The following CENPF variants were observed in gnomAD, a reference collection of about 807,000 sequenced individuals.
The protein encoded by CENPF is centromere protein F.
A neutral mutation model predicts 307.3 loss-of-function variants in CENPF; 214 were observed. That is an observed-to-expected ratio of 0.70 (90% confidence interval 0.62 to 0.78). The LOEUF (loss-of-function observed/expected upper bound fraction) is 0.78. CENPF is among the 30% of genes least tolerant of loss of function. CENPF has a pLI of 0.00. For missense variants in CENPF, 3,401 were observed against 3,483.9 expected, an observed-to-expected ratio of 0.98 and a Z score of 0.60; for synonymous variants, 1,259 against 1,270.6, an observed-to-expected ratio of 0.99 and a Z score of 0.19.
chr1:214,612,642 T>C (rs904763131), intron 1 of CENPF, among the ~76,000 whole-genome samples: 1 of 152,226 alleles, frequency 6.6e-6, no homozygotes, highest in African/African-American at 2.4e-5. Flanking sequence ...CTTTTCACAG[T>C]TGAGTTAGAT....
intron 13 of CENPF, 72 bp from the exon 14 acceptor site, chr1:214,648,603 T>C: frequency 6.6e-7 from 1 of 1,512,438 alleles, no homozygotes; most frequent in Non-Finnish European, 9.1e-7. Flanking sequence ...CATGAATATG[T>C]TGTATCAGAG....
chr1:214,632,863 A>G (rs1452175231), intron 10 of CENPF, among the ~76,000 whole-genome samples: 1 of 152,206 alleles, frequency 6.6e-6, no homozygotes, highest in Non-Finnish European at 1.5e-5. Flanking sequence ...TGTGTCTACA[A>G]CATGACTTGT....
At chr1:214,619,824 A>G (rs1396810375) in intron 5 of CENPF, among the ~76,000 whole-genome samples, 2 of 152,098 alleles carry the variant, frequency 1.3e-5, no homozygotes, top group Non-Finnish European at 2.9e-5. Flanking sequence ...CATGACTTTA[A>G]CCCTCATTTT....
At chr1:214,653,113 G>C in intron 16 of CENPF, 124 bp downstream of exon 16, 1 of 884,302 alleles carries the variant, frequency 1.1e-6, no homozygotes, top group Non-Finnish European at 1.9e-6. Context: ...CAAAAATGAT[G>C]TCATTCATCA....
rs370367881 is a variant in CENPF at position 214,657,026 on chromosome 1, A to G, written c.8579A>G (p.Tyr2860Cys). Residue 2860 changes from tyrosine (Y) to cysteine (C), a missense_variant, in exon 18 of 20, where the codon TAC becomes TGC. Physicochemically the swap from Tyr to Cys is radical, Grantham distance 194. Coordinates refer to ENST00000366955, the MANE Select transcript of CENPF (RefSeq NM_016343.4). ...LEEKTKEADE[Y>C]LDKYCSLLIS... The stretch of plus-strand genomic sequence containing the variant: ...GAAAAAACCAAGGAGGCAGATGAAT[A>G]CTTGGATAAGTACTGTTCCTTGCTT... 1.2e-6 allele frequency: 2 copies of G among 1,614,038 alleles called. No homozygotes were observed.
In CENPF at chr1:214,640,037, C is replaced by G. The variant is rs767542466; in HGVS notation, c.1699C>G (p.Arg567Gly). The G allele has an allele frequency of 6.2e-7, 1 of 1,602,058 alleles. No individual in the cohort carries two copies. Among genetic ancestry groups the G allele is most frequent in the African/African-American group, 1.4e-5 (1 of 73,922 alleles). Residue 567 changes from arginine to glycine, a missense_variant, in exon 12 of 20, where the codon CGA (arginine) becomes GGA (glycine). Arg to Gly is a moderately radical substitution (Grantham distance 125). Transcript: ENST00000366955. The stretch of plus-strand genomic sequence containing the variant: ...TGCTGTGGCTGATCTGGAAAAGCAG[C>G]GAGATTGTTCTCAAGACCTTTTGAA... ...KLAVADLEKQ[R>G]DCSQDLLKKR...
chr1:214,603,918 C>T (rs1656955870), intron 1 of CENPF, among the ~76,000 whole-genome samples: 1 of 151,994 alleles, frequency 6.6e-6, no homozygotes, highest in Non-Finnish European at 1.5e-5. Context: ...CCGCCTTGGC[C>T]TCTGTAAGTG....
At chr1:214,636,003 A>C (rs1657957123) in intron 10 of CENPF, among the ~76,000 whole-genome samples, 1 of 151,984 alleles carries the variant, frequency 6.6e-6, no homozygotes, top group Non-Finnish European at 1.5e-5. Flanking sequence ...TTTTTTTTAG[A>C]GTAAGAAAAT....
intron 18 of CENPF, among the ~76,000 whole-genome samples, chr1:214,658,643 C>T (rs1215699584): frequency 6.6e-6 from 1 of 151,998 alleles, no homozygotes; most frequent in Non-Finnish European, 1.5e-5. Flanking sequence ...TTCTATGTTT[C>T]TAATAAGAGA....
At position 214,651,785 on chromosome 1, in the gene CENPF, GA is replaced by G; in HGVS notation, c.8063del (p.Lys2688ArgfsTer5). ...SLDCMHKDQV[E>X]KEGKVREEIA... is the part of the protein sequence containing the mutation. The stretch of plus-strand genomic sequence containing the variant: ...AGATTGCATGCACAAAGACCAGGTG[GA>G]AAAGGAAGGGAAAGTGAGAGAGGAA... On this transcript the variant is annotated frameshift_variant, in exon 15 of 20. Transcript: ENST00000366955. LOFTEE classifies it high-confidence loss of function. The G allele has an allele frequency of 6.2e-7, 1 of 1,613,620 alleles. No individual in the cohort carries two copies. Among genetic ancestry groups the G allele is most frequent in the Non-Finnish European group, 8.5e-7 (1 of 1,179,818 alleles).
rs140186184 is a variant in CENPF, at chr1:214,659,204, A to G, written c.9141+176A>G. On this transcript the variant is annotated intron_variant, in intron 19 of 19. Transcript: ENST00000366955. The surrounding 1 kb of genome is among the most constrained non-coding windows in gnomAD (Gnocchi z 4.4). ...GTGACCGGGTGAGCATTACAGTATC[A>G]GGGTACATGATCTCATCCTTCAGTC... Among the ~76,000 whole-genome samples, 79 of 152,272 alleles carry G rather than the reference A, an allele frequency of 5.2e-4. No homozygotes were observed. Among genetic ancestry groups the G allele is most frequent in the African/African-American group, 1.9e-3 (77 of 41,546 alleles).
intron 1 of CENPF, among the ~76,000 whole-genome samples, chr1:214,604,295 A>G (rs1172911202): frequency 2.0e-5 from 3 of 152,194 alleles, no homozygotes; most frequent in African/African-American, 7.2e-5. Context: ...GGAAAGGACA[A>G]TAGTCCTGCA....
rs1658150280 is a variant in CENPF at position 214,642,432 on chromosome 1, C to T, written c.4094C>T (p.Pro1365Leu). The change falls in exon 12 of 20, where the codon CCA becomes CTA. Residue 1365 changes from proline (P) to leucine (L), a missense_variant. Physicochemically the swap from Pro to Leu is moderately conservative, Grantham distance 98 (BLOSUM62 -3). Transcript: ENST00000366955. ...CATGGTGAGTTAGTGGAAGACATAC[C>T]AGGAGGTGAATTTGGTGAACAACCA... ...LLHGELVEDI[P>L]GGEFGEQPNE... The T allele has an allele frequency of 6.3e-7, 1 of 1,595,670 alleles. No homozygotes were observed. Among genetic ancestry groups the T allele is most frequent in the South Asian group, 1.1e-5 (1 of 87,520 alleles).
intron 3 of CENPF, among the ~76,000 whole-genome samples, chr1:214,617,904 A>G (rs1284237467): frequency 1.3e-5 from 2 of 152,258 alleles, no homozygotes; most frequent in Non-Finnish European, 2.9e-5. Flanking sequence ...TGCTGTCTGT[A>G]TTAGTCTGTT....
Position 214,634,553 on chromosome 1 carries a change from T to C in CENPF, c.1446+1951T>C, listed in dbSNP as rs550980199. Among the ~76,000 whole-genome samples, 6 of 152,340 alleles carry C rather than the reference T, an allele frequency of 3.9e-5. No homozygotes were observed. The South Asian group carries it at 1.2e-3, about 32-fold the overall frequency. On this transcript the variant is annotated intron_variant, in intron 10 of 19. Transcript: ENST00000366955. ...TCATTCTCCTGCCTTTTCAAGGCTGTATTCTTGGTTAAGTTAAATATTGTA... is the reference window on the plus strand; with the variant it reads ...TCATTCTCCTGCCTTTTCAAGGCTGCATTCTTGGTTAAGTTAAATATTGTA...
rs564687150 is a variant in CENPF, at chr1:214,652,990, G to T, written c.8322+1G>T. On this transcript the variant is annotated splice_donor_variant, in intron 16 of 19. Coordinates refer to ENST00000366955, the MANE Select transcript of CENPF (RefSeq NM_016343.4). LOFTEE classifies it high-confidence loss of function. ...TTTGGAAGAATTGAAGAAAACCAAG[G>T]TATGTTCACTTTAATTTGCTTCATG... 4.1e-5 allele frequency: 65 copies of T among 1,602,408 alleles called. No homozygotes were observed. Among genetic ancestry groups the T allele is most frequent in the Non-Finnish European group, 5.2e-5 (61 of 1,174,062 alleles).
In CENPF at chr1:214,641,917, G is replaced by A; in HGVS notation, c.3579G>A (p.Gln1193=). 2 of 1,591,772 alleles carry A rather than the reference G, an allele frequency of 1.3e-6. No homozygotes were observed. Among genetic ancestry groups the A allele is most frequent in the Non-Finnish European group, 1.7e-6 (2 of 1,173,106 alleles). The change falls in exon 12 of 20, where the codon CAG becomes CAA. Residue 1193 remains glutamine (Q), a synonymous_variant. Transcript: ENST00000366955. ...GAAATCAATGTAATTTTAAACCTCA[G>A]ATGGATCTTGAAGTTAAAGAAATTT... ...SERNQCNFKP[Q]MDLEVKEISL...
At position 214,645,095 on chromosome 1, in the gene CENPF, TAAGTGAAA is replaced by T. The variant is rs1368141770; in HGVS notation, c.5528_5535del (p.Ser1843IlefsTer7). 1 of 1,612,772 alleles carries T rather than the reference TAAGTGAAA, an allele frequency of 6.2e-7. No homozygotes were observed. Among genetic ancestry groups the T allele is most frequent in the East Asian group, 2.2e-5 (1 of 44,868 alleles). ...GAACTTAAGAAAGAAAACTCAGATT[TAAGTGAAA>T]AATTGGAATATTTTTCTTGTGATCA... On this transcript the variant is annotated frameshift_variant, in exon 13 of 20. Coordinates refer to ENST00000366955, the MANE Select transcript of CENPF (RefSeq NM_016343.4). LOFTEE classifies it high-confidence loss of function.
In CENPF at chr1:214,655,945, GA is replaced by G. The variant is rs1571728321; in HGVS notation, c.8485+548del. Among the ~76,000 whole-genome samples the G allele has an allele frequency of 2.0e-5, 3 of 152,214 alleles. No homozygotes were observed. The East Asian group carries it at 5.8e-4, about 29-fold the overall frequency. On this transcript the variant is annotated intron_variant, in intron 17 of 19. Coordinates refer to ENST00000366955, the MANE Select transcript of CENPF (RefSeq NM_016343.4). ...CGCATCTTCCATTCTATAAAACATG[GA>G]AAAAACTGGTGGAACTTTTTGCTAA...
Sources: allele counts gnomAD v4.1 joint callset (sites outside exome capture counted in the v4.1 genomes callset), GRCh38; gene constraint gnomAD v4.1.1; non-coding constraint Gnocchi (gnomAD v3.1); transcripts MANE v1.5; gene names NCBI Gene and HGNC (gene_info 2026-07-23, HGNC 2026-07-21).